Variants in OR9Q1 observed in about 807,000 individuals in gnomAD.
OR9Q1 encodes the protein olfactory receptor family 9 subfamily Q member 1, also known as olfactory receptor 9Q1.
For synonymous variants in OR9Q1, 153 were observed against 148.6 expected, an observed-to-expected ratio of 1.03 and a Z score of -0.22; for missense variants, 374 against 378.8, an observed-to-expected ratio of 0.99 and a Z score of 0.11.
At position 58,179,708 on chromosome 11, in the gene OR9Q1, T is replaced by C. The variant is rs1239371048; in HGVS notation, c.264T>C (p.His88=). 3.7e-6 allele frequency: 6 copies of C among 1,614,090 alleles called. No individual in the cohort carries two copies. Among genetic ancestry groups the C allele is most frequent in the Admixed American group, 1.7e-5 (1 of 60,010 alleles). ...AGATGCTGGCAGTGCTGCTGGAGCATGGGGCAGCTTTATCTTACACACGCT... is the reference window on the plus strand; with the variant it reads ...AGATGCTGGCAGTGCTGCTGGAGCACGGGGCAGCTTTATCTTACACACGCT... ...VPQMLAVLLE[H]GAALSYTRCA... Residue 88 remains histidine, a synonymous_variant, in exon 3 of 3, where the codon CAT becomes CAC. Transcript: ENST00000335397.
chr11:58,157,903 A>C (rs1854422646), intron 2 of OR9Q1, among the ~76,000 whole-genome samples: 1 of 152,034 alleles, frequency 6.6e-6, no homozygotes, highest in African/African-American at 2.4e-5. Flanking sequence ...ACTTTCTCCC[A>C]CTCCTTAGGC....
At chr11:58,083,461 CA>C (rs1349111566) in intron 2 of OR9Q1, among the ~76,000 whole-genome samples, 2 of 151,962 alleles carry the variant, frequency 1.3e-5, no homozygotes, top group Admixed American at 6.6e-5. Context: ...GAAGCTCTTT[CA>C]TTTAATTAGG....
At chr11:58,135,872 C>CAAG (rs1328269616) in intron 2 of OR9Q1, among the ~76,000 whole-genome samples, 1 of 152,232 alleles carries the variant, frequency 6.6e-6, no homozygotes, top group African/African-American at 2.4e-5. Context: ...TGAGCACTTA[C>CAAG]TGAAATCCCT....
intron 2 of OR9Q1, among the ~76,000 whole-genome samples, chr11:58,122,385 C>G (rs1016979836): frequency 1.3e-5 from 2 of 152,218 alleles, no homozygotes; most frequent in African/African-American, 4.8e-5. Flanking sequence ...CTATGACAGG[C>G]ACTCACTAGC....
chr11:58,179,616 C>T lies in OR9Q1; in HGVS notation c.172C>T (p.Pro58Ser), dbSNP rs1444186096. The T allele has an allele frequency of 6.8e-6, 11 of 1,613,320 alleles. No individual in the cohort carries two copies. Among genetic ancestry groups the T allele is most frequent in the Non-Finnish European group, 8.5e-6 (10 of 1,179,552 alleles). ...CCTCATGGATCACCAGCTCCACGCT[C>T]CAATGTATTTCCTTCTGAGTCACCT... is the stretch of plus-strand genomic sequence containing the variant. ...LILMDHQLHA[P>S]MYFLLSHLAF... is the part of the protein sequence containing the mutation. The change falls in exon 3 of 3, where the codon CCA becomes TCA. Residue 58 changes from proline (P) to serine (S), a missense_variant. Pro to Ser is a moderately conservative substitution (Grantham distance 74). Transcript: ENST00000335397.
chr11:58,071,452 C>A (rs1279401083), intron 2 of OR9Q1, among the ~76,000 whole-genome samples: 2 of 151,912 alleles, frequency 1.3e-5, no homozygotes, highest in Non-Finnish European at 2.9e-5. Flanking sequence ...GACGCCACTG[C>A]ACTCCAGCCT....
intron 2 of OR9Q1, among the ~76,000 whole-genome samples, chr11:58,153,222 C>T (rs539592187): frequency 7.2e-4 from 109 of 152,294 alleles, no homozygotes; most frequent in African/African-American, 2.5e-3. Context: ...ACTGGGGATG[C>T]TTACTTTGGA....
At chr11:58,083,983 A>G (rs532241826) in intron 2 of OR9Q1, among the ~76,000 whole-genome samples, 2 of 152,036 alleles carry the variant, frequency 1.3e-5, no homozygotes, top group African/African-American at 2.4e-5. Context: ...AGGTTTTTCT[A>G]ATTCTGTGAA....
In OR9Q1 at chr11:58,058,478, C is replaced by G. The variant is rs192135094; in HGVS notation, c.-15+2531C>G. On this transcript the variant is annotated intron_variant, in intron 2 of 2. Transcript: ENST00000335397. ...GAAGTCCTTAAAGGCAGGTATTATT[C>G]CTAAGTGTATGGTCAGGCTCAAGCT... Among the ~76,000 whole-genome samples, 64 of 152,280 alleles carry G rather than the reference C, an allele frequency of 4.2e-4. No homozygotes were observed. In the East Asian group the frequency reaches 0.01, roughly 24 times the overall value.
chr11:58,124,771 T>A (rs1200688589), intron 2 of OR9Q1: 2 of 152,212 alleles, frequency 1.3e-5, no homozygotes, highest in Admixed American at 6.5e-5. Context: ...ACCCTGGTTC[T>A]CTGACCCCAG....
At chr11:58,031,555 T>C in intron 1 of OR9Q1, 1 of 1,614,100 alleles carries the variant, frequency 6.2e-7, no homozygotes, top group Non-Finnish European at 8.5e-7. Flanking sequence ...GGAAGGAGAC[T>C]GTGGATTTCC....
chr11:58,064,934 C>G (rs905509181), intron 2 of OR9Q1, among the ~76,000 whole-genome samples: 1 of 151,800 alleles, frequency 6.6e-6, no homozygotes, highest in Admixed American at 6.6e-5. Flanking sequence ...ACAACACACA[C>G]GCACACAAGC....
chr11:58,054,400 C>T (rs1853306648), intron 1 of OR9Q1, among the ~76,000 whole-genome samples: 1 of 152,128 alleles, frequency 6.6e-6, no homozygotes, highest in African/African-American at 2.4e-5. Flanking sequence ...CATTGGCCAT[C>T]CCATGCTTTG....
chr11:58,045,579 A>G (rs1468106356), intron 1 of OR9Q1, among the ~76,000 whole-genome samples: 1 of 152,122 alleles, frequency 6.6e-6, no homozygotes, highest in Admixed American at 6.6e-5. Flanking sequence ...AAATAAGACA[A>G]TGTAAGTGAA....
At chr11:58,053,891 G>T (rs535552793) in intron 1 of OR9Q1, among the ~76,000 whole-genome samples, 1 of 151,720 alleles carries the variant, frequency 6.6e-6, no homozygotes, top group East Asian at 1.9e-4. Flanking sequence ...CACCAGTTCT[G>T]GGGATCTAAT....
intron 2 of OR9Q1, among the ~76,000 whole-genome samples, chr11:58,150,353 G>A (rs1854338366): frequency 6.6e-6 from 1 of 152,086 alleles, no homozygotes; most frequent in Non-Finnish European, 1.5e-5. Flanking sequence ...CCAGTGTTGG[G>A]GGAGAACCAC....
chr11:58,131,237 C>T (rs1040485505), intron 2 of OR9Q1, among the ~76,000 whole-genome samples: 1 of 152,072 alleles, frequency 6.6e-6, no homozygotes, highest in African/African-American at 2.4e-5. Context: ...CTCAGCTGGC[C>T]TGGGTGGGGA....
chr11:58,048,702 G>T, intron 1 of OR9Q1, among the ~76,000 whole-genome samples: 1 of 118,900 alleles, frequency 8.4e-6, no homozygotes, highest in Non-Finnish European at 1.8e-5. Flanking sequence ...ATATTTTTTA[G>T]CAAGACTAAT....
At position 58,060,956 on chromosome 11, in the gene OR9Q1, T is replaced by C. The variant is rs544755694; in HGVS notation, c.-15+5009T>C. On this transcript the variant is annotated intron_variant, in intron 2 of 2. Coordinates refer to ENST00000335397, the MANE Select transcript of OR9Q1 (RefSeq NM_001005212.4). ...GCCAGCCCTGGGATCATCGCCTTTG[T>C]CACATCATTGCTGAACTCTTTCTAC... is the stretch of plus-strand genomic sequence containing the variant. Among the ~76,000 whole-genome samples the C allele has an allele frequency of 2.4e-3, 366 of 152,302 alleles. 1 individual carries two copies. Among genetic ancestry groups the C allele is most frequent in the Non-Finnish European group, 4.1e-3 (276 of 68,020 alleles).
Sources: allele counts gnomAD v4.1 joint callset (sites outside exome capture counted in the v4.1 genomes callset), GRCh38; gene constraint gnomAD v4.1.1; transcripts MANE v1.5; gene names NCBI Gene and HGNC (gene_info 2026-07-23, HGNC 2026-07-21).